The following ST6GALNAC5 variants were observed in gnomAD, a reference collection of about 807,000 sequenced individuals.
ST6GALNAC5 encodes ST6 N-acetylgalactosaminide alpha-2,6-sialyltransferase 5, also known as alpha-N-acetylgalactosaminide alpha-2,6-sialyltransferase 5.
Under a neutral mutation model 33.6 loss-of-function variants are expected in ST6GALNAC5, and 27 were observed. The observed-to-expected ratio is 0.80, with a 90% confidence interval of 0.59 to 1.11. The LOEUF is 1.11. Ranked by LOEUF, ST6GALNAC5 falls within the 50% of genes least tolerant of loss-of-function variation. ST6GALNAC5 has a pLI of 0.00. For synonymous variants in ST6GALNAC5, 194 were observed against 171.2 expected, an observed-to-expected ratio of 1.13 and a Z score of -1.04; for missense variants, 428 against 454.0, an observed-to-expected ratio of 0.94 and a Z score of 0.52.
intron 3 of ST6GALNAC5, among the ~76,000 whole-genome samples, chr1:77,045,473 A>G (rs1168053897): frequency 6.6e-6 from 1 of 152,178 alleles, no homozygotes; most frequent in Non-Finnish European, 1.5e-5. Context: ...AATAAATATC[A>G]CTGAATTACA....
chr1:77,008,612 CTCTGCCTCCT>C (rs1301462461), intron 2 of ST6GALNAC5, among the ~76,000 whole-genome samples: 1 of 152,110 alleles, frequency 6.6e-6, no homozygotes, highest in Non-Finnish European at 1.5e-5. Flanking sequence ...TCACTGCAGC[CTCTGCCTCCT>C]GGGTTCAAGC....
chr1:76,933,786 G>GC (rs1386848247), intron 2 of ST6GALNAC5, among the ~76,000 whole-genome samples: 1 of 79,160 alleles, frequency 1.3e-5, no homozygotes, highest in African/African-American at 5.2e-5. Flanking sequence ...AAAAAAAAAA[G>GC]CCCAGAAAGT....
At chr1:76,966,179 A>G (rs998059748) in intron 2 of ST6GALNAC5, among the ~76,000 whole-genome samples, 1 of 152,158 alleles carries the variant, frequency 6.6e-6, no homozygotes, top group African/African-American at 2.4e-5. Context: ...TTGAATCTAT[A>G]AATTACCTTG....
intron 4 of ST6GALNAC5, among the ~76,000 whole-genome samples, chr1:77,059,591 T>A (rs1652509647): frequency 6.6e-6 from 1 of 152,250 alleles, no homozygotes; most frequent in African/African-American, 2.4e-5. Flanking sequence ...TAAGGTAATG[T>A]CTGCTGGGTT....
At chr1:76,970,232 G>A (rs1173324599) in intron 2 of ST6GALNAC5, among the ~76,000 whole-genome samples, 1 of 152,076 alleles carries the variant, frequency 6.6e-6, no homozygotes, top group Non-Finnish European at 1.5e-5. Context: ...ATAGGCTTCA[G>A]AAGGTCGGTA....
At chr1:76,902,807 G>A (rs1156801909) in intron 2 of ST6GALNAC5, among the ~76,000 whole-genome samples, 1 of 152,078 alleles carries the variant, frequency 6.6e-6, no homozygotes, top group Non-Finnish European at 1.5e-5. Context: ...TAAACAAATG[G>A]TGCTAGGATG....
intron 2 of ST6GALNAC5, among the ~76,000 whole-genome samples, chr1:76,942,417 A>C (rs538646894): frequency 3.9e-5 from 6 of 152,106 alleles, no homozygotes; most frequent in Non-Finnish European, 8.8e-5. Flanking sequence ...CAGTCACCTA[A>C]AATGTTACTG....
At chr1:76,902,485 G>A (rs1308505336) in intron 2 of ST6GALNAC5, among the ~76,000 whole-genome samples, 1 of 152,098 alleles carries the variant, frequency 6.6e-6, no homozygotes, top group African/African-American at 2.4e-5. Flanking sequence ...TGTTGCAACT[G>A]GGATTCTCTA....
intron 2 of ST6GALNAC5, among the ~76,000 whole-genome samples, chr1:77,010,929 T>C (rs1650611263): frequency 6.6e-6 from 1 of 152,232 alleles, no homozygotes; most frequent in Non-Finnish European, 1.5e-5. Flanking sequence ...CAGAGAAATC[T>C]ACATGTCATT....
rs1377778435 is a variant in ST6GALNAC5, at chr1:76,868,769, G to T, written c.261+27G>T. The T allele has an allele frequency of 6.8e-7, 1 of 1,467,610 alleles. No individual in the cohort carries two copies. Among genetic ancestry groups the T allele is most frequent in the Non-Finnish European group, 9.0e-7 (1 of 1,115,000 alleles). The allele number at this position is 1,467,610 out of a possible 1,614,324, so 90.9% of individuals were successfully genotyped here. A position where few individuals can be genotyped will look rare whatever the true frequency, so the allele number is the denominator to read the frequency against. The stretch of plus-strand genomic sequence containing the variant: ...TGACAGCATGCCCGCCAGCCCGCTC[G>T]CCACTCAGCCTGGGGATCCCGCACA... On this transcript the variant is annotated intron_variant, in intron 2 of 4. Transcript: ENST00000477717. This position sits in a 1 kb window ranked among gnomAD's most constrained non-coding sequence, Gnocchi z 4.3.
At chr1:77,022,983 C>T (rs538085477) in intron 2 of ST6GALNAC5, among the ~76,000 whole-genome samples, 82 of 152,260 alleles carry the variant, frequency 5.4e-4, no homozygotes, top group Admixed American at 9.2e-4. Flanking sequence ...GCAGGACGTA[C>T]TTAAGGAGGT....
intron 2 of ST6GALNAC5, among the ~76,000 whole-genome samples, chr1:76,905,605 G>A (rs1402556153): frequency 6.6e-6 from 1 of 152,150 alleles, no homozygotes; most frequent in Non-Finnish European, 1.5e-5. Context: ...TGGTGATTGG[G>A]TGAAGGAGAT....
rs138089290 is a variant in ST6GALNAC5 at position 76,873,519 on chromosome 1, A to C, written c.261+4777A>C. 9.9e-5 allele frequency among the ~76,000 whole-genome samples: 15 copies of C among 152,270 alleles called. No homozygotes were observed. In the East Asian group the frequency reaches 2.3e-3, roughly 23 times the overall value. On this transcript the variant is annotated intron_variant, in intron 2 of 4. Coordinates refer to ENST00000477717, the MANE Select transcript of ST6GALNAC5 (RefSeq NM_030965.3). ...TGTATGGAAAGAAAGAAGGGAGTGA[A>C]GGTGGAGGAGAGAAGGACAGACCTA... is the stretch of plus-strand genomic sequence containing the variant.
chr1:77,054,348 G>A (rs1037744402), intron 4 of ST6GALNAC5, among the ~76,000 whole-genome samples: 1 of 152,170 alleles, frequency 6.6e-6, no homozygotes, highest in African/African-American at 2.4e-5. Context: ...GGGATAAGGA[G>A]CCAGGACAAC....
intron 2 of ST6GALNAC5, among the ~76,000 whole-genome samples, chr1:76,925,199 A>G (rs1647072832): frequency 6.6e-6 from 1 of 152,038 alleles, no homozygotes; most frequent in Non-Finnish European, 1.5e-5. Context: ...GATGGTGTTA[A>G]GCCACTCATG....
chr1:76,974,380 A>AG (rs1648909373), intron 2 of ST6GALNAC5, among the ~76,000 whole-genome samples: 1 of 151,748 alleles, frequency 6.6e-6, no homozygotes, highest in African/African-American at 2.4e-5. Flanking sequence ...TGATTTTTTA[A>AG]ATTTTTTTGT....
At chr1:76,946,457 G>A (rs1323111110) in intron 2 of ST6GALNAC5, among the ~76,000 whole-genome samples, 4 of 152,142 alleles carry the variant, frequency 2.6e-5, no homozygotes, top group Admixed American at 2.0e-4. Context: ...GCTGTCTTTA[G>A]CACTGTGCAT....
At chr1:76,960,416 G>A (rs897319218) in intron 2 of ST6GALNAC5, among the ~76,000 whole-genome samples, 12 of 152,120 alleles carry the variant, frequency 7.9e-5, no homozygotes, top group South Asian at 2.1e-4. Context: ...GAGGCAGGGC[G>A]AGATCACAGG....
chr1:76,914,924 A>G (rs1245972642), intron 2 of ST6GALNAC5, among the ~76,000 whole-genome samples: 1 of 151,940 alleles, frequency 6.6e-6, no homozygotes, highest in Non-Finnish European at 1.5e-5. Flanking sequence ...ATGGGAGAAA[A>G]TTTTTGCAAC....
Sources: allele counts gnomAD v4.1 joint callset (sites outside exome capture counted in the v4.1 genomes callset), GRCh38; gene constraint gnomAD v4.1.1; non-coding constraint Gnocchi (gnomAD v3.1); transcripts MANE v1.5; gene names NCBI Gene and HGNC (gene_info 2026-07-23, HGNC 2026-07-21).